The following MARCHF1 variants were observed in gnomAD, a reference collection of about 807,000 sequenced individuals.
MARCHF1 encodes E3 ubiquitin-protein ligase MARCHF1.
MARCHF1 carries 40 observed loss-of-function variants against 54.2 expected under a neutral mutation model. The observed-to-expected ratio is 0.74, with a 90% CI of 0.57 to 0.96. The LOEUF (loss-of-function observed/expected upper bound fraction) is 0.96, where lower values mean the gene tolerates loss of function less well. Ranked by LOEUF, MARCHF1 falls within the 40% of genes least tolerant of loss-of-function variation. The pLI is 0.00. For missense variants in MARCHF1, 586 were observed against 656.5 expected, an observed-to-expected ratio of 0.89 and a Z score of 1.17; for synonymous variants, 236 against 236.3, an observed-to-expected ratio of 1.00 and a Z score of 0.01.
At chr4:163,796,512 T>C (rs1292686415) in intron 4 of MARCHF1, among the ~76,000 whole-genome samples, 1 of 152,204 alleles carries the variant, frequency 6.6e-6, no homozygotes, top group African/African-American at 2.4e-5. Flanking sequence ...GTTTGATTTG[T>C]TCTCTTTTTT....
chr4:163,725,853 C>G (rs1447672923), intron 4 of MARCHF1, among the ~76,000 whole-genome samples: 1 of 152,160 alleles, frequency 6.6e-6, no homozygotes, highest in Non-Finnish European at 1.5e-5. Context: ...GCCTAACATA[C>G]AGTTAATGTC....
chr4:163,838,587 A>G (rs1749255220), intron 4 of MARCHF1, among the ~76,000 whole-genome samples: 2 of 152,122 alleles, frequency 1.3e-5, no homozygotes, highest in Non-Finnish European at 2.9e-5. Flanking sequence ...TGGCAGAGAG[A>G]AAATAATAAA....
At chr4:163,967,304 G>A (rs1560840072) in intron 3 of MARCHF1, among the ~76,000 whole-genome samples, 1 of 152,072 alleles carries the variant, frequency 6.6e-6, no homozygotes, top group Non-Finnish European at 1.5e-5. Flanking sequence ...AGATCAGTCA[G>A]GAGCAGTGAG....
At chr4:164,378,494 G>T (rs985864838) in intron 1 of MARCHF1, among the ~76,000 whole-genome samples, 9 of 152,234 alleles carry the variant, frequency 5.9e-5, no homozygotes, top group African/African-American at 2.2e-4. Context: ...CCTGGCTTGT[G>T]TTGAGGGCCT....
At chr4:164,129,130 A>G (rs1579557725) in intron 1 of MARCHF1, among the ~76,000 whole-genome samples, 1 of 152,298 alleles carries the variant, frequency 6.6e-6, no homozygotes, top group Admixed American at 6.5e-5. Flanking sequence ...AATGATGGAG[A>G]AGCTGAAAGT....
chr4:163,916,775 G>A (rs1312807235), intron 3 of MARCHF1, among the ~76,000 whole-genome samples: 1 of 152,044 alleles, frequency 6.6e-6, no homozygotes, highest in African/African-American at 2.4e-5. Context: ...CAGATGTACA[G>A]CCACTGCCAC....
At chr4:164,363,552 C>A (rs963317670) in intron 1 of MARCHF1, among the ~76,000 whole-genome samples, 1 of 152,074 alleles carries the variant, frequency 6.6e-6, no homozygotes, top group South Asian at 2.1e-4. Flanking sequence ...CAGGACCCTA[C>A]GAGTAGAAAA....
intron 1 of MARCHF1, among the ~76,000 whole-genome samples, chr4:164,305,291 A>AAGTGCATTTATTTTAT (rs1431055492): frequency 6.6e-6 from 1 of 152,180 alleles, no homozygotes; most frequent in Non-Finnish European, 1.5e-5. Flanking sequence ...TATAAAATAA[A>AAGTGCATTTATTTTAT]AGTGCAGAAT....
At chr4:163,855,391 T>C (rs570359117) in intron 3 of MARCHF1, among the ~76,000 whole-genome samples, 2 of 152,162 alleles carry the variant, frequency 1.3e-5, no homozygotes, top group African/African-American at 2.4e-5. Flanking sequence ...TTCAAACACA[T>C]TGCTTGAGAT....
At chr4:163,790,726 TG>T (rs1747753121) in intron 4 of MARCHF1, among the ~76,000 whole-genome samples, 2 of 152,006 alleles carry the variant, frequency 1.3e-5, no homozygotes, top group South Asian at 4.1e-4. Flanking sequence ...GGCCTGGAGG[TG>T]AACACAGTGG....
intron 5 of MARCHF1, among the ~76,000 whole-genome samples, chr4:163,678,000 T>C (rs902032928): frequency 6.6e-6 from 1 of 152,214 alleles, no homozygotes; most frequent in South Asian, 2.1e-4. Flanking sequence ...ATTCCAAGAA[T>C]GGTGCCTAGA....
chr4:163,879,549 G>T (rs1332146326), intron 3 of MARCHF1, among the ~76,000 whole-genome samples: 1 of 152,152 alleles, frequency 6.6e-6, no homozygotes, highest in African/African-American at 2.4e-5. Context: ...TATATGTAAA[G>T]TATCATTTGC....
intron 3 of MARCHF1, among the ~76,000 whole-genome samples, chr4:163,952,715 A>T (rs1355540484): frequency 6.6e-6 from 1 of 152,180 alleles, no homozygotes; most frequent in Non-Finnish European, 1.5e-5. Flanking sequence ...TGGTATATGA[A>T]AGACACAATG....
At chr4:164,192,350 GTTT>G (rs55749306) in intron 1 of MARCHF1, among the ~76,000 whole-genome samples, 22,265 of 151,948 alleles carry the variant, frequency 0.15, 2,173 homozygotes, top group African/African-American at 0.26. Flanking sequence ...GGAGAATTTA[GTTT>G]TTAAAGCCAC....
intron 5 of MARCHF1, among the ~76,000 whole-genome samples, chr4:163,625,642 A>G (rs1741844381): frequency 1.3e-5 from 2 of 152,252 alleles, no homozygotes; most frequent in South Asian, 4.1e-4. Context: ...TGGCAATTCT[A>G]CACTGTAACA....
intron 5 of MARCHF1, among the ~76,000 whole-genome samples, chr4:163,630,468 G>A (rs1209355393): frequency 6.6e-6 from 1 of 152,080 alleles, no homozygotes; most frequent in Admixed American, 6.6e-5. Context: ...GAATTTTTGG[G>A]GAGTTGATAG....
chr4:163,548,934 C>T lies in MARCHF1; in HGVS notation c.1192-3191G>A, dbSNP rs549142739. ...TTCAGTGGCAGTTCACAAAAGATTT[C>T]GTGATAGGCAAGTGATAATCTGTGA... On this transcript the variant is annotated intron_variant, in intron 8 of 9. Transcript: ENST00000514618. Among the ~76,000 whole-genome samples the T allele has an allele frequency of 1.5e-3, 227 of 152,312 alleles. 1 individual carries two copies. Among genetic ancestry groups the T allele is most frequent in the African/African-American group, 5.2e-3 (216 of 41,572 alleles).
In MARCHF1 at chr4:164,008,522, C is replaced by A. The variant is rs561988178; in HGVS notation, c.-247-19813G>T. Among the ~76,000 whole-genome samples the A allele has an allele frequency of 2.0e-5, 3 of 152,112 alleles. No individual in the cohort carries two copies. The East Asian group carries it at 5.8e-4, about 29-fold the overall frequency. ...TACATAACATTTCATCCAACTGCTG[C>A]AGAATATTAATTATTTTCATCACTA... is the stretch of plus-strand genomic sequence containing the variant. On this transcript the variant is annotated intron_variant, in intron 2 of 9. Transcript: ENST00000514618.
At chr4:164,216,544 C>A (rs558519378) in intron 1 of MARCHF1, among the ~76,000 whole-genome samples, 2 of 151,748 alleles carry the variant, frequency 1.3e-5, no homozygotes, top group Admixed American at 6.6e-5. Flanking sequence ...TAGTTGGAAC[C>A]CAGGGGCAAA....
Sources: allele counts gnomAD v4.1 joint callset (sites outside exome capture counted in the v4.1 genomes callset), GRCh38; gene constraint gnomAD v4.1.1; transcripts MANE v1.5; gene names NCBI Gene and HGNC (gene_info 2026-07-23, HGNC 2026-07-21).